The following QRICH1 variants were observed in gnomAD, a reference collection of about 807,000 sequenced individuals.
QRICH1 encodes the protein glutamine rich 1, also known as transcriptional regulator QRICH1.
In QRICH1, 16 loss-of-function variants were observed where a neutral mutation model predicts 87.1. The ratio of observed to expected loss-of-function variants is 0.18; its 90% CI spans 0.12 to 0.28. The LOEUF is 0.28. Among genes scored for constraint, QRICH1 ranks in the 10% least tolerant of loss-of-function variants. The probability of loss-of-function intolerance (pLI) is 1.00; values close to 1 mark genes in which losing one functional copy is unlikely to be tolerated. For synonymous variants in QRICH1, 367 were observed against 368.4 expected (o/e 1.00, Z 0.05); for missense variants, 647 against 951.7 (o/e 0.68, Z 4.21).
At chr3:49,074,011 G>C (rs911884306) in intron 2 of QRICH1, among the ~76,000 whole-genome samples, 12 of 151,840 alleles carry the variant, frequency 7.9e-5, no homozygotes, top group African/African-American at 2.4e-4. Context: ...TCAAACTTCT[G>C]GACTCAATGA....
intron 1 of QRICH1, among the ~76,000 whole-genome samples, chr3:49,081,956 C>T (rs2042069948): frequency 6.6e-6 from 1 of 151,974 alleles, no homozygotes; most frequent in Non-Finnish European, 1.5e-5. Flanking sequence ...TACAGGCATA[C>T]GCCACCATGC....
At position 49,087,818 on chromosome 3, in the gene QRICH1, C is replaced by CAAAAAAAAAAAAAAAAAAAAAA. The variant is rs58022360; in HGVS notation, c.-22+6093_-22+6094insTTTTTTTTTTTTTTTTTTTTTT. ...GAACTCAGGAGGCGGAGGTTCATCT[C>CAAAAAAAAAAAAAAAAAAAAAA]AAAAAAAAAAAAAAAAAAAAAGAAC... On this transcript the variant is annotated intron_variant, in intron 1 of 9. Transcript: ENST00000395443. Among the ~76,000 whole-genome samples, 21 of 47,680 alleles carry CAAAAAAAAAAAAAAAAAAAAAA rather than the reference C, an allele frequency of 4.4e-4. 2 individuals carry two copies. The South Asian group carries it at 5.6e-3, about 13-fold the overall frequency. The allele number at this position is 47,680 out of a possible 152,430, so 31.3% of individuals were successfully genotyped here.
intron 6 of QRICH1, among the ~76,000 whole-genome samples, chr3:49,037,073 TAAAAAA>T (rs60963227): frequency 3.3e-4 from 31 of 92,612 alleles, no homozygotes; most frequent in Admixed American, 7.3e-4. Context: ...CCCCGTCTCT[TAAAAAA>T]AAAAAAAAAA....
chr3:49,032,153 C>A, intron 9 of QRICH1, 30 bp downstream of exon 9: 1 of 1,540,300 alleles, frequency 6.5e-7, no homozygotes, highest in Admixed American at 1.7e-5. Flanking sequence ...CATGCGCACA[C>A]ATGGACAGCA....
At chr3:49,070,674 A>G (rs761875522) in intron 2 of QRICH1, among the ~76,000 whole-genome samples, 42 of 152,098 alleles carry the variant, frequency 2.8e-4, no homozygotes, top group Non-Finnish European at 5.3e-4. Flanking sequence ...GGCTCAAGTC[A>G]TCTACATACT....
At chr3:49,078,331 T>A (rs1249298706) in intron 1 of QRICH1, among the ~76,000 whole-genome samples, 1 of 151,464 alleles carries the variant, frequency 6.6e-6, no homozygotes, top group Admixed American at 6.6e-5. Flanking sequence ...GGTAGTTGCT[T>A]CATATATACC....
chr3:49,061,388 CAT>C (rs2093433948), intron 2 of QRICH1, among the ~76,000 whole-genome samples: 1 of 152,000 alleles, frequency 6.6e-6, no homozygotes. Context: ...ACCTGGATGA[CAT>C]GTTTCTGATA....
intron 3 of QRICH1, among the ~76,000 whole-genome samples, chr3:49,053,788 T>C (rs1283843337): frequency 6.6e-6 from 1 of 152,156 alleles, no homozygotes; most frequent in South Asian, 2.1e-4. Context: ...GAAGATATGA[T>C]AGCTTTCATA....
chr3:49,067,828 CA>C (rs1434658579), intron 2 of QRICH1, among the ~76,000 whole-genome samples: 1 of 150,936 alleles, frequency 6.6e-6, no homozygotes. Flanking sequence ...CCTAAAAATA[CA>C]AAAAAAATTA....
Position 49,086,204 on chromosome 3 carries a change from G to A in QRICH1, c.-22+7708C>T, listed in dbSNP as rs115850034. Among the ~76,000 whole-genome samples the A allele has an allele frequency of 2.9e-3, 431 of 149,644 alleles. 2 individuals are homozygous for A. Among genetic ancestry groups the A allele is most frequent in the African/African-American group, 0.01 (419 of 41,028 alleles). The stretch of plus-strand genomic sequence containing the variant: ...TAAACAGACCCTGGACATTTTTGCT[G>A]GTATAAAATCAAATTGTTCACTGGT... On this transcript the variant is annotated intron_variant, in intron 1 of 9. Coordinates refer to ENST00000395443, the MANE Select transcript of QRICH1 (RefSeq NM_198880.3).
At chr3:49,046,341 T>C in intron 5 of QRICH1, 84 bp downstream of exon 5, 1 of 1,387,378 alleles carries the variant, frequency 7.2e-7, no homozygotes, top group Non-Finnish European at 9.8e-7. Context: ...TTTTAACTTC[T>C]TGCTTATCAA....
rs2042334257 is a variant in QRICH1, at chr3:49,094,034, C to T, written c.-144G>A. The T allele has an allele frequency of 2.5e-6, 1 of 398,758 alleles. No homozygotes were observed. The highest frequency in any genetic ancestry group is 4.4e-6 in the Non-Finnish European group (1 of 226,160). 24.7% of individuals were successfully genotyped at this position (398,758 alleles called of 1,614,324 possible). On this transcript the variant is annotated 5_prime_UTR_variant, in exon 1 of 10. Transcript: ENST00000395443. ...CCGACAGGGTTTTCTCCTCACAGCT[C>T]CCTGGGCGCCATCTTACATTCAACC... is the stretch of plus-strand genomic sequence containing the variant.
chr3:49,054,995 T>A (rs1486454100), intron 3 of QRICH1, among the ~76,000 whole-genome samples: 1 of 152,214 alleles, frequency 6.6e-6, no homozygotes, highest in African/African-American at 2.4e-5. Context: ...TTTGTCTTTG[T>A]GTATATGTCA....
chr3:49,084,909 G>A (rs542930559), intron 1 of QRICH1, among the ~76,000 whole-genome samples: 6 of 152,284 alleles, frequency 3.9e-5, no homozygotes, highest in Admixed American at 2.6e-4. Flanking sequence ...AGCACTTTCC[G>A]AGGCAGGCAG....
At chr3:49,059,706 G>C (rs1473841853) in intron 2 of QRICH1, among the ~76,000 whole-genome samples, 1 of 150,842 alleles carries the variant, frequency 6.6e-6, no homozygotes, top group Non-Finnish European at 1.5e-5. Context: ...ACAGGCTTGA[G>C]CCACCATGCC....
intron 1 of QRICH1, among the ~76,000 whole-genome samples, chr3:49,082,719 C>T (rs1204734405): frequency 6.6e-6 from 1 of 151,256 alleles, no homozygotes; most frequent in East Asian, 1.9e-4. Flanking sequence ...CACGGTGAAA[C>T]CCTGTCTCTA....
intron 3 of QRICH1, among the ~76,000 whole-genome samples, chr3:49,054,374 C>A (rs1031347844): frequency 8.5e-5 from 13 of 152,170 alleles, no homozygotes; most frequent in African/African-American, 3.1e-4. Flanking sequence ...ATTCTACACA[C>A]ATCTACTTGA....
intron 7 of QRICH1, 165 bp downstream of exon 7, chr3:49,032,955 G>A (rs2093251211): frequency 1.1e-6 from 1 of 925,556 alleles, no homozygotes. Context: ...GTCTGGCAAG[G>A]GTGTTTGCCT....
intron 1 of QRICH1, among the ~76,000 whole-genome samples, chr3:49,090,722 AGAGT>A (rs1303844560): frequency 6.6e-6 from 1 of 152,152 alleles, no homozygotes; most frequent in East Asian, 1.9e-4. Context: ...CCTGGCCTGA[AGAGT>A]GAGACCAAAG....
Sources: allele counts gnomAD v4.1 joint callset (sites outside exome capture counted in the v4.1 genomes callset), GRCh38; gene constraint gnomAD v4.1.1; transcripts MANE v1.5; gene names NCBI Gene and HGNC (gene_info 2026-07-23, HGNC 2026-07-21).